The following DUSP10 variants were observed in gnomAD, a reference collection of about 807,000 sequenced individuals.
DUSP10 encodes dual specificity protein phosphatase 10.
Under a neutral mutation model 30.8 loss-of-function variants are expected in DUSP10, and 14 were observed. That is an observed-to-expected ratio of 0.46 (90% CI 0.30 to 0.71). The LOEUF is 0.71. DUSP10 is among the 30% of genes least tolerant of loss of function. The pLI is 0.08. For missense variants in DUSP10, 550 were observed against 619.4 expected (o/e 0.89, Z 1.19); for synonymous variants, 254 against 250.4 (o/e 1.01, Z -0.14).
intron 2 of DUSP10, among the ~76,000 whole-genome samples, chr1:221,712,378 A>AG (rs911670533): frequency 7.2e-5 from 11 of 152,182 alleles, no homozygotes; most frequent in African/African-American, 2.7e-4. Flanking sequence ...TATCTTACTC[A>AG]GGGGAAGAAA....
At chr1:221,732,341 A>G (rs2102648517) in intron 2 of DUSP10, among the ~76,000 whole-genome samples, 1 of 152,358 alleles carries the variant, frequency 6.6e-6, no homozygotes, top group East Asian at 1.9e-4. Flanking sequence ...AGCTTAAACC[A>G]CTAGGTTCCC....
intron 2 of DUSP10, among the ~76,000 whole-genome samples, chr1:221,707,686 C>T (rs1344833301): frequency 6.6e-6 from 1 of 151,792 alleles, no homozygotes; most frequent in African/African-American, 2.4e-5. Flanking sequence ...TTAAAAAGGC[C>T]AAGTAAAACA....
At chr1:221,724,172 A>G (rs1661356954) in intron 2 of DUSP10, among the ~76,000 whole-genome samples, 1 of 152,194 alleles carries the variant, frequency 6.6e-6, no homozygotes, top group Non-Finnish European at 1.5e-5. Flanking sequence ...TGGGCTCTGG[A>G]GTCAGGCAGG....
At chr1:221,705,546 A>C (rs1660732707) in intron 3 of DUSP10, among the ~76,000 whole-genome samples, 3 of 152,330 alleles carry the variant, frequency 2.0e-5, no homozygotes, top group Middle Eastern at 6.8e-3. Flanking sequence ...TACTCCGTCT[A>C]CACAACCTGA....
At chr1:221,737,582 A>G (rs1257244764) in intron 2 of DUSP10, 1 of 505,888 alleles carries the variant, frequency 2.0e-6, no homozygotes, top group South Asian at 8.6e-5. Flanking sequence ...AACTCTCTAC[A>G]TACAATTCTT....
In DUSP10 at chr1:221,718,010, T is replaced by A. The variant is rs982292; in HGVS notation, c.812-11544A>T. Among the ~76,000 whole-genome samples, 697 of 150,636 alleles carry A rather than the reference T, an allele frequency of 4.6e-3. 9 individuals carry two copies. Among genetic ancestry groups the A allele is most frequent in the East Asian group, 4.9e-3 (25 of 5,072 alleles). ...AGAGCCACACTAAAACTTGTGGGCT[T>A]CCTGAGAACAAAGCCCCTGAGAGCC... is the stretch of plus-strand genomic sequence containing the variant. On this transcript the variant is annotated intron_variant, in intron 2 of 3. Transcript: ENST00000366899.
At chr1:221,733,186 T>A (rs2102649441) in intron 2 of DUSP10, among the ~76,000 whole-genome samples, 1 of 152,306 alleles carries the variant, frequency 6.6e-6, no homozygotes, top group South Asian at 2.1e-4. Context: ...TCCCTGAGGG[T>A]GTATGCACCA....
intron 2 of DUSP10, among the ~76,000 whole-genome samples, chr1:221,733,568 C>T (rs186071678): frequency 7.2e-5 from 11 of 152,336 alleles, no homozygotes; most frequent in African/African-American, 2.4e-4. Context: ...AATACCCCTG[C>T]CCCTGCAATG....
At position 221,714,911 on chromosome 1, in the gene DUSP10, C is replaced by A. The variant is rs142646528; in HGVS notation, c.812-8445G>T. On this transcript the variant is annotated intron_variant, in intron 2 of 3. Coordinates refer to ENST00000366899, the MANE Select transcript of DUSP10 (RefSeq NM_007207.6). ...CCTCCCACCCCAACGTTAAAAAAAA[C>A]CCAGCATTCCAGAAAGAAGCTAATA... 4.1e-3 allele frequency among the ~76,000 whole-genome samples: 628 copies of A among 152,236 alleles called. 21 individuals carry two copies. Among genetic ancestry groups the A allele is most frequent in the Admixed American group, 0.036 (550 of 15,288 alleles).
intron 2 of DUSP10, among the ~76,000 whole-genome samples, chr1:221,727,198 A>G (rs1661448020): frequency 6.6e-6 from 1 of 152,344 alleles, no homozygotes; most frequent in Admixed American, 6.5e-5. Flanking sequence ...TATAAACTGA[A>G]TACAAATATA....
chr1:221,713,268 T>C lies in DUSP10; in HGVS notation c.812-6802A>G, dbSNP rs114656173. 6.1e-3 allele frequency among the ~76,000 whole-genome samples: 923 copies of C among 152,310 alleles called. 5 individuals carry two copies. The highest frequency in any genetic ancestry group is 0.01 in the Admixed American group (157 of 15,304). On this transcript the variant is annotated intron_variant, in intron 2 of 3. Coordinates refer to ENST00000366899, the MANE Select transcript of DUSP10 (RefSeq NM_007207.6). ...GCTCTGCTAAAAGTGTACTCAGTGC[T>C]GTTAGCCTAGTCTACACTCCATCAC...
At position 221,739,286 on chromosome 1, in the gene DUSP10, AT is replaced by A. The variant is rs1273883071; in HGVS notation, c.458del (p.Asn153MetfsTer7). 1 of 1,613,998 alleles carries A rather than the reference AT, an allele frequency of 6.2e-7. No homozygotes were observed. The highest frequency in any genetic ancestry group is 8.5e-7 in the Non-Finnish European group (1 of 1,180,034). ...ATTTGGTCATCTTCTTTGCCAAGTC[AT>A]TGGGGTAGATTATTTTGATGCTGGC... ...QLASIKIIYPNDLAKKMTKCS... is the reference protein window; with the variant it reads ...QLASIKIIYPXDLAKKMTKCS... On this transcript the variant is annotated frameshift_variant, in exon 2 of 4. Transcript: ENST00000366899. LOFTEE classifies it high-confidence loss of function.
In DUSP10 at chr1:221,739,012, G is replaced by C. The variant is rs748970116; in HGVS notation, c.733C>G (p.Arg245Gly). The change falls in exon 2 of 4, where the codon CGA becomes GGA. Residue 245 changes from arginine to glycine, a missense_variant. Arg to Gly is a moderately radical substitution (Grantham distance 125, BLOSUM62 -2). Transcript: ENST00000366899. ...VYDENTNEPS[R>G]VMPSQPLHIV... ...TGAAGTGGCTGGGAGGGCATCACTC[G>C]GCTTGGTTCATTGGTATTCTCATCA... 3 of 1,614,092 alleles carry C rather than the reference G, an allele frequency of 1.9e-6. No individual in the cohort carries two copies. The highest frequency in any genetic ancestry group is 2.5e-6 in the Non-Finnish European group (3 of 1,179,994).
intron 2 of DUSP10, among the ~76,000 whole-genome samples, chr1:221,715,249 G>A (rs1661062585): frequency 6.6e-6 from 1 of 152,194 alleles, no homozygotes; most frequent in Admixed American, 6.5e-5. Flanking sequence ...TGTGATTTAT[G>A]AAAATTGAAA....
chr1:221,717,173 G>A (rs1310295732), intron 2 of DUSP10, among the ~76,000 whole-genome samples: 2 of 152,190 alleles, frequency 1.3e-5, no homozygotes, highest in Non-Finnish European at 2.9e-5. Context: ...AGAGGGGACG[G>A]AATCCAGGAG....
At chr1:221,708,263 T>C (rs1377419366) in intron 2 of DUSP10, among the ~76,000 whole-genome samples, 1 of 152,206 alleles carries the variant, frequency 6.6e-6, no homozygotes, top group African/African-American at 2.4e-5. Context: ...ACAGGAAGTC[T>C]ATCTGTCCAC....
intron 2 of DUSP10, among the ~76,000 whole-genome samples, chr1:221,712,165 T>G (rs2102621836): frequency 6.6e-6 from 1 of 152,322 alleles, no homozygotes; most frequent in East Asian, 1.9e-4. Context: ...TAGGGTATTT[T>G]CAAGTTCAAG....
chr1:221,741,955 G>A (rs1474199859), intron 1 of DUSP10, 26 bp downstream of exon 1: 1 of 152,378 alleles, frequency 6.6e-6, no homozygotes, highest in African/African-American at 2.4e-5. Flanking sequence ...GGGCTCTCAG[G>A]AGTAGTCGCG....
At chr1:221,734,785 G>C (rs1302322248) in intron 2 of DUSP10, among the ~76,000 whole-genome samples, 2 of 152,044 alleles carry the variant, frequency 1.3e-5, no homozygotes, top group East Asian at 1.9e-4. Context: ...TTTAGCCTTG[G>C]ATGTTAACCA....
Sources: allele counts gnomAD v4.1 joint callset (sites outside exome capture counted in the v4.1 genomes callset), GRCh38; gene constraint gnomAD v4.1.1; transcripts MANE v1.5; gene names NCBI Gene and HGNC (gene_info 2026-07-23, HGNC 2026-07-21).